The following PI4KA variants were observed in gnomAD, a reference collection of about 807,000 sequenced individuals.
The protein encoded by PI4KA is phosphatidylinositol 4-kinase alpha.
A neutral mutation model predicts 271.4 loss-of-function variants in PI4KA; 122 were observed. The observed-to-expected ratio is 0.45, with a 90% CI of 0.39 to 0.52. The LOEUF is 0.52. Among genes scored for constraint, PI4KA ranks in the 20% least tolerant of loss-of-function variants. PI4KA has a pLI of 0.00. For missense variants in PI4KA, 1,969 were observed against 2,769.1 expected (o/e 0.71, Z 6.48); for synonymous variants, 1,041 against 1,078.8 (o/e 0.96, Z 0.69).
intron 7 of PI4KA, 108 bp downstream of exon 7, chr22:20,818,375 A>G (rs910396746): frequency 1.3e-6 from 1 of 752,802 alleles, no homozygotes; most frequent in Non-Finnish European, 2.1e-6. Flanking sequence ...CTCTAGGTCC[A>G]TCCATGACAA....
At chr22:20,721,867 GTGTCCCCACCCAAA>G (rs1926772793) in intron 42 of PI4KA, 2 of 165,234 alleles carry the variant, frequency 1.2e-5, no homozygotes, top group South Asian at 3.3e-4. Flanking sequence ...ATTAGGTTTT[GTGTCCCCACCCAAA>G]TGTCATCTTG....
intron 10 of PI4KA, among the ~76,000 whole-genome samples, chr22:20,806,728 T>C (rs1935675086): frequency 6.6e-6 from 1 of 151,954 alleles, no homozygotes; most frequent in Non-Finnish European, 1.5e-5. Flanking sequence ...AGTACTTCAT[T>C]TTCTTTTTTT....
At chr22:20,730,192 GTTCT>G (rs1368674151) in intron 36 of PI4KA, among the ~76,000 whole-genome samples, 181 bp from the exon 37 acceptor site, 9 of 152,072 alleles carry the variant, frequency 5.9e-5, no homozygotes, top group Admixed American at 2.6e-4. Flanking sequence ...AGCATGAGAA[GTTCT>G]TTATTTTAAC....
At chr22:20,783,121 T>C (rs1933927172) in intron 19 of PI4KA, among the ~76,000 whole-genome samples, 1 of 152,238 alleles carries the variant, frequency 6.6e-6, no homozygotes, top group Non-Finnish European at 1.5e-5. Flanking sequence ...TGGCCAGTTC[T>C]CAACTACTAG....
chr22:20,838,606 A>T lies in PI4KA; in HGVS notation c.273+9T>A. The T allele has an allele frequency of 6.6e-7, 1 of 1,516,026 alleles. No individual in the cohort carries two copies. The highest frequency in any genetic ancestry group is 9.2e-7 in the Non-Finnish European group (1 of 1,091,758). 93.9% of individuals were successfully genotyped at this position (1,516,026 alleles called of 1,614,324 possible). On this transcript the variant is annotated intron_variant, in intron 2 of 54. Transcript: ENST00000255882. ...CAATGAAGAAACTTTTAATTTCATG[A>T]AGACTTACCTGAAGATCAGATTCAA...
intron 14 of PI4KA, among the ~76,000 whole-genome samples, chr22:20,800,462 C>T (rs5760697): frequency 0.069 from 10,563 of 152,162 alleles, 353 homozygotes; most frequent in East Asian, 0.079. Context: ...ATTAAACATT[C>T]CACAGAAAAC....
intron 26 of PI4KA, 52 bp downstream of exon 26, chr22:20,751,622 G>C: frequency 2.8e-6 from 4 of 1,434,804 alleles, no homozygotes; most frequent in Non-Finnish European, 3.9e-6. Flanking sequence ...GGCCGGCGGG[G>C]TGGTGGTAGA....
intron 9 of PI4KA, 102 bp downstream of exon 9, chr22:20,810,865 C>G: frequency 1.1e-6 from 1 of 890,100 alleles, no homozygotes. Flanking sequence ...GAAAACACTG[C>G]AAAACCCCTT....
chr22:20,745,395 A>G (rs1443033335), intron 29 of PI4KA, among the ~76,000 whole-genome samples: 1 of 152,110 alleles, frequency 6.6e-6, no homozygotes, highest in Non-Finnish European at 1.5e-5. Context: ...GCATGCATTG[A>G]AAAGGACCTC....
intron 54 of PI4KA, among the ~76,000 whole-genome samples, chr22:20,708,381 G>C (rs1156949442): frequency 1.3e-5 from 2 of 151,816 alleles, no homozygotes; most frequent in Admixed American, 1.3e-4. Context: ...CTGGCCAGAT[G>C]CCTCCAAGGG....
rs116971326 is a variant in PI4KA at position 20,761,255 on chromosome 22, C to A, written c.2791+49G>T. 2.3e-3 allele frequency: 2,404 copies of A among 1,065,802 alleles called. 49 individuals are homozygous for A. In the East Asian group the frequency reaches 0.048, roughly 21 times the overall value. The allele number at this position is 1,065,802 out of a possible 1,614,324, so 66.0% of individuals were successfully genotyped here. On this transcript the variant is annotated intron_variant, in intron 23 of 54. Transcript: ENST00000255882. ...AAAGAGGAAGTAGTACGCCTTTTTACCCTATTAAAGCTCAATTCATCATGA... is the reference window on the plus strand; with the variant it reads ...AAAGAGGAAGTAGTACGCCTTTTTAACCTATTAAAGCTCAATTCATCATGA...
intron 1 of PI4KA, among the ~76,000 whole-genome samples, chr22:20,855,474 C>A (rs1258351319): frequency 1.3e-5 from 2 of 152,128 alleles, no homozygotes; most frequent in Non-Finnish European, 2.9e-5. Context: ...AAATAAGGTG[C>A]TTCAGGGGTC....
intron 19 of PI4KA, among the ~76,000 whole-genome samples, chr22:20,778,848 T>A (rs1009277521): frequency 2.6e-5 from 4 of 152,190 alleles, no homozygotes; most frequent in Admixed American, 6.5e-5. Context: ...CCCCATGTGC[T>A]CTGGCAGCAT....
At chr22:20,787,729 A>G (rs1934361659) in intron 19 of PI4KA, 1 of 155,072 alleles carries the variant, frequency 6.4e-6, no homozygotes, top group African/African-American at 2.4e-5. Context: ...TGTATCTGTT[A>G]TAATTCTCTA....
Position 20,756,924 on chromosome 22 carries a change from C to T in PI4KA, c.2792-3744G>A, listed in dbSNP as rs548013567. Among the ~76,000 whole-genome samples the T allele has an allele frequency of 7.9e-5, 12 of 152,332 alleles. No individual in the cohort carries two copies. The South Asian group carries it at 1.4e-3, about 18-fold the overall frequency. ...GATTACAGGTGTGAGCTACCACACC[C>T]GGCCCTAAGGTAAGTAAGATTTTTA... is the stretch of plus-strand genomic sequence containing the variant. On this transcript the variant is annotated intron_variant, in intron 23 of 54. Coordinates refer to ENST00000255882, the MANE Select transcript of PI4KA (RefSeq NM_058004.4).
At chr22:20,835,961 T>A (rs923482938) in intron 2 of PI4KA, among the ~76,000 whole-genome samples, 1 of 151,430 alleles carries the variant, frequency 6.6e-6, no homozygotes, top group Non-Finnish European at 1.5e-5. Flanking sequence ...GGCATGATAA[T>A]GGCATAAGTA....
At chr22:20,778,049 G>C (rs1467397921) in intron 19 of PI4KA, among the ~76,000 whole-genome samples, 1 of 152,142 alleles carries the variant, frequency 6.6e-6, no homozygotes, top group Non-Finnish European at 1.5e-5. Context: ...AGAAGATTTA[G>C]TTGCTCCTGA....
chr22:20,730,369 G>A (rs530173383), intron 36 of PI4KA, among the ~76,000 whole-genome samples: 7 of 152,086 alleles, frequency 4.6e-5, no homozygotes, highest in African/African-American at 1.7e-4. Flanking sequence ...CCGCCTCCTG[G>A]GTTCAAGTGA....
chr22:20,761,462 G>C (rs988243656), intron 22 of PI4KA, 76 bp from the exon 23 acceptor site: 1 of 860,158 alleles, frequency 1.2e-6, no homozygotes, highest in African/African-American at 1.7e-5. Flanking sequence ...CTGCCCATAA[G>C]TGGTAAGGAT....
Sources: gnomAD v4.1 joint callset for allele counts (sites outside exome capture counted in the v4.1 genomes callset) on GRCh38, gnomAD v4.1.1 for gene constraint, MANE v1.5 for transcripts, NCBI Gene and HGNC (gene_info 2026-07-23, HGNC 2026-07-21) for gene names.